Variants in EIF2S3 observed in about 807,000 individuals in gnomAD.
The protein encoded by EIF2S3 is eukaryotic translation initiation factor 2 subunit gamma.
In EIF2S3, 2 loss-of-function variants were observed where a neutral mutation model predicts 31.7. That is an observed-to-expected ratio of 0.06 (90% CI 0.03 to 0.20). The LOEUF (loss-of-function observed/expected upper bound fraction) is 0.20. Among genes scored for constraint, EIF2S3 ranks in the 10% least tolerant of loss-of-function variants. EIF2S3 has a pLI of 1.00. For synonymous variants in EIF2S3, 120 were observed against 126.7 expected (o/e 0.95, Z 0.36); for missense variants, 96 against 359.3 (o/e 0.27, Z 5.92).
chrX:24,064,130 T>A (rs1930536262), intron 6 of EIF2S3, 71 bp from the exon 7 acceptor site: 3 of 927,746 alleles, frequency 3.2e-6, no homozygotes, highest in Non-Finnish European at 4.2e-6. Flanking sequence ...TTAATTGTTT[T>A]ATGTAACAGA....
intron 9 of EIF2S3, among the ~76,000 whole-genome samples, chrX:24,068,685 G>T (rs754677348): frequency 9.0e-6 from 1 of 111,591 alleles, no homozygotes; most frequent in South Asian, 3.7e-4. Flanking sequence ...AGCTCAGGCA[G>T]TCCCCCTGCC....
intron 9 of EIF2S3, among the ~76,000 whole-genome samples, chrX:24,069,477 G>A (rs1930630158): frequency 1.8e-5 from 2 of 108,812 alleles, no homozygotes. Context: ...GGGAAGCTGA[G>A]GTGGGAAGAT....
At position 24,054,979 on chromosome X, in the gene EIF2S3, G is replaced by T. The variant is rs1462693635; in HGVS notation, c.11G>T (p.Gly4Val). The change falls in exon 1 of 12, where the codon GGA becomes GTA. Residue 4 changes from glycine to valine, a missense_variant. Physicochemically the swap from Gly to Val is moderately radical, Grantham distance 109. Transcript: ENST00000253039. Reference protein sequence around the residue: MAGGEAGVTLGQPH... With the variant: MAGVEAGVTLGQPH... Reference sequence around the variant, plus strand: ...TCCTCTTTTGGCAACATGGCGGGCGGAGAAGCTGGAGTGACTCTAGGGCAG... The same window carrying T: ...TCCTCTTTTGGCAACATGGCGGGCGTAGAAGCTGGAGTGACTCTAGGGCAG... The T allele has an allele frequency of 8.3e-7, 1 of 1,210,771 alleles. No homozygotes were observed. Among genetic ancestry groups the T allele is most frequent in the South Asian group, 1.8e-5 (1 of 56,993 alleles).
At chrX:24,061,254 C>CT (rs1939925704) in intron 5 of EIF2S3, among the ~76,000 whole-genome samples, 1 of 68,869 alleles carries the variant, frequency 1.5e-5, no homozygotes, top group African/African-American at 6.1e-5. Context: ...GAGACTCAGT[C>CT]TTAAAAAAAA....
Position 24,075,301 on chromosome X carries a change from A to G in EIF2S3, c.1356-1421A>G, listed in dbSNP as rs182434525. ...AAAAGCTGAGTGTTCAGGTGTGCTC[A>G]TGGCTCTTAGGGTGCTGTTGCTTCT... On this transcript the variant is annotated intron_variant, in intron 11 of 11. Transcript: ENST00000253039. Among the ~76,000 whole-genome samples the G allele has an allele frequency of 3.6e-4, 40 of 111,113 alleles. No individual in the cohort carries two copies. The East Asian group carries it at 0.011, about 30-fold the overall frequency.
rs1930779043 is a variant in EIF2S3, at chrX:24,077,800, C to T, written c.*1015C>T. On this transcript the variant is annotated 3_prime_UTR_variant, in exon 12 of 12. Coordinates refer to ENST00000253039, the MANE Select transcript of EIF2S3 (RefSeq NM_001415.4). ...TAATGCCTGAAATCCAAGTCTTCCT[C>T]CATGGGAAAATACTGTTATACCAAA... is the stretch of plus-strand genomic sequence containing the variant. The T allele has an allele frequency of 9.0e-6, 1 of 111,625 alleles. No individual in the cohort carries two copies. Among genetic ancestry groups the T allele is most frequent in the Non-Finnish European group, 1.9e-5 (1 of 53,137 alleles). 9.2% of individuals were successfully genotyped at this position (111,625 alleles called of 1,213,427 possible).
Position 24,055,525 on chromosome X carries a change from TG to T in EIF2S3, c.70-88del, listed in dbSNP as rs1930388786. 3.3e-6 allele frequency: 3 copies of T among 916,121 alleles called. No individual in the cohort carries two copies. In the South Asian group the frequency reaches 6.0e-5, roughly 18 times the overall value. 75.5% of individuals were successfully genotyped at this position (916,121 alleles called of 1,213,427 possible). A position where few individuals can be genotyped will look rare whatever the true frequency, so the allele number is the denominator to read the frequency against. On this transcript the variant is annotated intron_variant, in intron 1 of 11. Coordinates refer to ENST00000253039, the MANE Select transcript of EIF2S3 (RefSeq NM_001415.4). ...TAGAAGTAGTGGAAAGCTGTGCAGA[TG>T]GTGGCAAGATGTAGATAGCAAACGT...
At chrX:24,069,340 G>A (rs1172692125) in intron 9 of EIF2S3, among the ~76,000 whole-genome samples, 7 of 101,820 alleles carry the variant, frequency 6.9e-5, no homozygotes, top group Non-Finnish European at 1.2e-4. Context: ...TCACACCAGT[G>A]CACTCCAGCC....
At chrX:24,067,780 G>A (rs1028022660) in intron 8 of EIF2S3, among the ~76,000 whole-genome samples, 184 bp from the exon 9 acceptor site, 1 of 108,197 alleles carries the variant, frequency 9.2e-6, no homozygotes, top group Admixed American at 1.0e-4. Flanking sequence ...TAGAGACGGG[G>A]TTTCACTATG....
Position 24,073,076 on chromosome X carries a change from A to T in EIF2S3, c.1183-15A>T, listed in dbSNP as rs1379305185. On this transcript the variant is annotated splice_polypyrimidine_tract_variant and intron_variant, in intron 10 of 11. Transcript: ENST00000253039. ...TTGATTTTGGGGTTTATTTTTCCCT[A>T]ATTTATTTTTCTAGGTTCAAAAGCT... 1 of 1,189,625 alleles carries T rather than the reference A, an allele frequency of 8.4e-7. No homozygotes were observed. Among genetic ancestry groups the T allele is most frequent in the East Asian group, 3.0e-5 (1 of 33,554 alleles).
chrX:24,074,505 A>G (rs1260393916), intron 11 of EIF2S3, among the ~76,000 whole-genome samples: 1 of 111,641 alleles, frequency 9.0e-6, no homozygotes, highest in African/African-American at 3.3e-5. Flanking sequence ...TCTAGCCAGT[A>G]CAAATAGCCT....
intron 4 of EIF2S3, among the ~76,000 whole-genome samples, chrX:24,057,999 T>C (rs951989150): frequency 3.6e-5 from 4 of 112,612 alleles, no homozygotes; most frequent in African/African-American, 1.3e-4. Flanking sequence ...ACTCATTGGA[T>C]TGAAGGGATT....
intron 9 of EIF2S3, among the ~76,000 whole-genome samples, chrX:24,070,329 C>CA (rs940247725): frequency 3.8e-5 from 4 of 106,377 alleles, no homozygotes; most frequent in Non-Finnish European, 5.8e-5. Context: ...ACAACAGCAG[C>CA]AAAAAAAAGT....
chrX:24,064,587 G>C (rs757507351), intron 7 of EIF2S3, among the ~76,000 whole-genome samples: 2 of 112,234 alleles, frequency 1.8e-5, no homozygotes, highest in Non-Finnish European at 3.8e-5. Context: ...CAATACTTTG[G>C]GGGGCCGAGG....
intron 1 of EIF2S3, 33 bp downstream of exon 1, chrX:24,055,070 G>A (rs1930379750): frequency 2.5e-6 from 3 of 1,198,971 alleles, no homozygotes; most frequent in Admixed American, 4.4e-5. Flanking sequence ...TGCAGAGTGA[G>A]CTCAGGAGTG....
rs1313855138 is a variant in EIF2S3 at position 24,076,960 on chromosome X, T to G, written c.*175T>G. 2 of 331,554 alleles carry G rather than the reference T, an allele frequency of 6.0e-6. No homozygotes were observed. The highest frequency in any genetic ancestry group is 6.1e-5 in the African/African-American group (2 of 32,850). 27.3% of individuals were successfully genotyped at this position (331,554 alleles called of 1,213,427 possible). On this transcript the variant is annotated 3_prime_UTR_variant, in exon 12 of 12. Coordinates refer to ENST00000253039, the MANE Select transcript of EIF2S3 (RefSeq NM_001415.4). ...TTTTTTTTTTTTTGGTTATGAAAAC[T>G]TAGGGACTAAAATTAATATAAAAAT...
chrX:24,074,811 G>T (rs768977529), intron 11 of EIF2S3, among the ~76,000 whole-genome samples: 3 of 104,751 alleles, frequency 2.9e-5, no homozygotes, highest in Non-Finnish European at 5.8e-5. Context: ...AGGTCCTTCA[G>T]GCTGGCTCTT....
chrX:24,056,323 T>C (rs2147124671), intron 2 of EIF2S3, among the ~76,000 whole-genome samples: 1 of 112,120 alleles, frequency 8.9e-6, no homozygotes, highest in Admixed American at 9.5e-5. Flanking sequence ...CTTGAACTAC[T>C]GCCCCTGCAT....
intron 9 of EIF2S3, among the ~76,000 whole-genome samples, chrX:24,069,581 G>T (rs1010179706): frequency 9.2e-6 from 1 of 108,283 alleles, no homozygotes; most frequent in Non-Finnish European, 1.9e-5. Context: ...GGTGGTGTGT[G>T]CCTGTAGTTC....
Sources: allele counts gnomAD v4.1 joint callset (sites outside exome capture counted in the v4.1 genomes callset), GRCh38; gene constraint gnomAD v4.1.1; transcripts MANE v1.5; gene names NCBI Gene and HGNC (gene_info 2026-07-23, HGNC 2026-07-21).